The following TGFBR3 variants were observed in gnomAD, a reference collection of about 807,000 sequenced individuals.
TGFBR3 encodes transforming growth factor beta receptor type 3.
Under a neutral mutation model 87.9 loss-of-function variants are expected in TGFBR3, and 46 were observed. That is an observed-to-expected ratio of 0.52 (90% CI 0.41 to 0.67). TGFBR3 has a LOEUF of 0.67. Ranked by LOEUF, TGFBR3 falls within the 30% of genes least tolerant of loss-of-function variation. The pLI, the probability that TGFBR3 is intolerant of heterozygous loss-of-function variation, is 0.00. For synonymous variants in TGFBR3, 381 were observed against 391.6 expected, an observed-to-expected ratio of 0.97 and a Z score of 0.32; for missense variants, 866 against 1,041.9, an observed-to-expected ratio of 0.83 and a Z score of 2.32.
At chr1:91,686,679 G>A (rs2100691082) in intron 16 of TGFBR3, among the ~76,000 whole-genome samples, 1 of 152,342 alleles carries the variant, frequency 6.6e-6, no homozygotes, top group East Asian at 1.9e-4. Context: ...TGAATGTACA[G>A]ATGCTTCTAC....
intron 1 of TGFBR3, among the ~76,000 whole-genome samples, chr1:91,875,783 GC>G (rs71911876): frequency 0.13 from 2,173 of 16,114 alleles, 546 homozygotes; most frequent in East Asian, 0.22. Context: ...AGCTACTCGG[GC>G]GGGGGGGGGG....
chr1:91,744,897 A>G (rs750089931), intron 4 of TGFBR3, among the ~76,000 whole-genome samples: 1 of 152,238 alleles, frequency 6.6e-6, no homozygotes, highest in Non-Finnish European at 1.5e-5. Context: ...ATCTCCTTGC[A>G]CATCTCAAAA....
chr1:91,696,996 T>C (rs1322363857), intron 15 of TGFBR3, among the ~76,000 whole-genome samples: 2 of 152,166 alleles, frequency 1.3e-5, no homozygotes, highest in African/African-American at 4.8e-5. Context: ...TTTGGTGTGT[T>C]CATTTACCTT....
At chr1:91,816,493 T>C (rs546923482) in intron 2 of TGFBR3, among the ~76,000 whole-genome samples, 2 of 152,336 alleles carry the variant, frequency 1.3e-5, no homozygotes, top group South Asian at 4.1e-4. Flanking sequence ...GGATAACATA[T>C]TATTTTGTAT....
intron 3 of TGFBR3, chr1:91,770,755 G>A (rs985687871): frequency 6.6e-6 from 1 of 152,184 alleles, no homozygotes; most frequent in Non-Finnish European, 1.5e-5. Context: ...AACACTTAGT[G>A]GTAGTGAGAA....
At chr1:91,770,166 T>A (rs961171162) in intron 3 of TGFBR3, among the ~76,000 whole-genome samples, 1 of 151,372 alleles carries the variant, frequency 6.6e-6, no homozygotes, top group Non-Finnish European at 1.5e-5. Context: ...AGGGTAAAAA[T>A]GTATGCCATT....
At chr1:91,729,008 G>A (rs1672649161) in intron 6 of TGFBR3, among the ~76,000 whole-genome samples, 1 of 149,656 alleles carries the variant, frequency 6.7e-6, no homozygotes, top group African/African-American at 2.5e-5. Flanking sequence ...TTTTTGGTAT[G>A]TCACCATGAA....
chr1:91,758,521 T>C lies in TGFBR3; in HGVS notation c.384+92A>G, dbSNP rs1673830666. ...TCTTTGGACTCTGGCATTATTTCAG[T>C]GAAAGTAAGCCTTTATGAAAAGTTT... On this transcript the variant is annotated intron_variant, in intron 4 of 16. Transcript: ENST00000212355. 19 of 1,444,850 alleles carry C rather than the reference T, an allele frequency of 1.3e-5. No homozygotes were observed. In the East Asian group the frequency reaches 4.3e-4, roughly 33 times the overall value. 89.5% of individuals were successfully genotyped at this position (1,444,850 alleles called of 1,614,324 possible). A position where few individuals can be genotyped will look rare whatever the true frequency, so the allele number is the denominator to read the frequency against.
At chr1:91,886,485 A>C (rs1360739624), upstream of TGFBR3, among the ~76,000 whole-genome samples, 4 of 152,146 alleles carry the variant, frequency 2.6e-5, no homozygotes, top group African/African-American at 9.7e-5. Context: ...GGGAAGCGCG[A>C]GGGAGACGTG....
At chr1:91,709,878 C>T (rs1671921400) in intron 13 of TGFBR3, among the ~76,000 whole-genome samples, 2 of 152,160 alleles carry the variant, frequency 1.3e-5, no homozygotes, top group East Asian at 1.9e-4. Context: ...ACTCCTGCCT[C>T]AGCCTCCCCA....
intron 2 of TGFBR3, among the ~76,000 whole-genome samples, chr1:91,851,402 G>A (rs1192617960): frequency 2.6e-5 from 4 of 152,222 alleles, no homozygotes; most frequent in Non-Finnish European, 5.9e-5. Flanking sequence ...CCATGGATGT[G>A]GTGCGGGATG....
At chr1:91,832,194 C>A (rs1364555314) in intron 2 of TGFBR3, among the ~76,000 whole-genome samples, 1 of 152,088 alleles carries the variant, frequency 6.6e-6, no homozygotes, top group Non-Finnish European at 1.5e-5. Context: ...CATCATTAAC[C>A]AATAATTAAT....
At chr1:91,712,165 C>T (rs1163351257) in intron 13 of TGFBR3, 78 bp downstream of exon 13, 11 of 1,385,746 alleles carry the variant, frequency 7.9e-6, no homozygotes, top group Non-Finnish European at 8.1e-6. Context: ...CCTCAACCTG[C>T]AAGACCTTGG....
chr1:91,756,257 T>A (rs1673739949), intron 4 of TGFBR3, among the ~76,000 whole-genome samples: 1 of 152,230 alleles, frequency 6.6e-6, no homozygotes, highest in African/African-American at 2.4e-5. Context: ...TATTGGACAG[T>A]ATAGCTCTAC....
In TGFBR3 at chr1:91,884,048, G is replaced by A. The variant is rs1462584204; in HGVS notation, c.-114+1830C>T. Among the ~76,000 whole-genome samples the A allele has an allele frequency of 4.6e-5, 7 of 152,280 alleles. No homozygotes were observed. The South Asian group carries it at 1.2e-3, about 27-fold the overall frequency. On this transcript the variant is annotated intron_variant, in intron 1 of 16. Transcript: ENST00000212355. ...GAATAAAGATCCATGTTGGCCAGGCGTGGTGGCTCACACCTGTAATCCCAG... is the reference window on the plus strand; with the variant it reads ...GAATAAAGATCCATGTTGGCCAGGCATGGTGGCTCACACCTGTAATCCCAG...
upstream of TGFBR3, among the ~76,000 whole-genome samples, chr1:91,890,407 A>ATTTTTTT (rs1557765290): frequency 1.7e-5 from 1 of 57,886 alleles, no homozygotes; most frequent in Non-Finnish European, 3.9e-5. Flanking sequence ...TTTCTCTATA[A>ATTTTTTT]TCTTTTTTTT....
intron 4 of TGFBR3, among the ~76,000 whole-genome samples, chr1:91,756,234 C>T (rs1195163694): frequency 6.6e-6 from 1 of 152,160 alleles, no homozygotes; most frequent in African/African-American, 2.4e-5. Flanking sequence ...CCACGCACAG[C>T]TATTTCCTAT....
At chr1:91,825,356 A>C (rs1480934862) in intron 2 of TGFBR3, among the ~76,000 whole-genome samples, 2 of 152,256 alleles carry the variant, frequency 1.3e-5, no homozygotes, top group African/African-American at 4.8e-5. Context: ...GAACCTTGAA[A>C]ACATGCTAAG....
intron 1 of TGFBR3, among the ~76,000 whole-genome samples, chr1:91,904,054 A>C (rs947812136): frequency 6.6e-6 from 1 of 152,042 alleles, no homozygotes; most frequent in East Asian, 1.9e-4. Flanking sequence ...GCGCGTTCCT[A>C]TAATCTGTAA....
Sources: allele counts gnomAD v4.1 joint callset (sites outside exome capture counted in the v4.1 genomes callset), GRCh38; gene constraint gnomAD v4.1.1; transcripts MANE v1.5; gene names NCBI Gene and HGNC (gene_info 2026-07-23, HGNC 2026-07-21).